Variants in TTC28 observed in about 807,000 individuals in gnomAD.
TTC28 encodes the protein tetratricopeptide repeat protein 28.
A neutral mutation model predicts 198.0 loss-of-function variants in TTC28; 61 were observed. That is an observed-to-expected ratio of 0.31 (90% CI 0.25 to 0.38). The LOEUF (loss-of-function observed/expected upper bound fraction) is 0.38, where lower values mean the gene tolerates loss of function less well. Among genes scored for constraint, TTC28 ranks in the 10% least tolerant of loss-of-function variants. TTC28 has a pLI of 1.00. For missense variants in TTC28, 2,678 were observed against 3,164.0 expected, an observed-to-expected ratio of 0.85 and a Z score of 3.69; for synonymous variants, 1,171 against 1,297.8, an observed-to-expected ratio of 0.90 and a Z score of 2.10.
At chr22:28,349,750 G>A (rs2045964268) in intron 2 of TTC28, among the ~76,000 whole-genome samples, 1 of 152,188 alleles carries the variant, frequency 6.6e-6, no homozygotes, top group Non-Finnish European at 1.5e-5. Flanking sequence ...ATAAATGTAA[G>A]AAAGTATTAT....
At chr22:28,417,326 A>AAAAAAT (rs2047182163) in intron 2 of TTC28, among the ~76,000 whole-genome samples, 6 of 147,078 alleles carry the variant, frequency 4.1e-5, no homozygotes, top group Non-Finnish European at 7.5e-5. Flanking sequence ...AAAAAAAAAA[A>AAAAAAT]AGGACAGGTG....
At chr22:28,017,110 G>A (rs959435961) in intron 13 of TTC28, among the ~76,000 whole-genome samples, 1 of 152,254 alleles carries the variant, frequency 6.6e-6, no homozygotes, top group Non-Finnish European at 1.5e-5. Context: ...GGCAGGGAGT[G>A]TGGGGCCTGG....
At chr22:28,621,742 T>TAAAAAAAAAAAAAAAAA (rs771463983) in intron 2 of TTC28, among the ~76,000 whole-genome samples, 4 of 76,116 alleles carry the variant, frequency 5.3e-5, no homozygotes, top group Non-Finnish European at 5.3e-5. Flanking sequence ...GACTGTCTCT[T>TAAAAAAAAAAAAAAAAA]AAAAAAAAAA....
chr22:28,075,973 G>GC (rs1941154299), intron 12 of TTC28, among the ~76,000 whole-genome samples: 1 of 152,088 alleles, frequency 6.6e-6, no homozygotes, highest in Non-Finnish European at 1.5e-5. Flanking sequence ...ATATCTCCAG[G>GC]CCCAGCATCA....
chr22:28,463,205 C>T (rs2047973003), intron 2 of TTC28, among the ~76,000 whole-genome samples: 1 of 152,196 alleles, frequency 6.6e-6, no homozygotes, highest in Non-Finnish European at 1.5e-5. Flanking sequence ...TAAGAAATTG[C>T]AATGGTAGCG....
intron 5 of TTC28, among the ~76,000 whole-genome samples, chr22:28,209,737 C>A (rs1201401839): frequency 1.3e-5 from 2 of 152,208 alleles, no homozygotes; most frequent in Non-Finnish European, 2.9e-5. Flanking sequence ...CAAAAGGCAG[C>A]AGAAACTTCT....
At chr22:28,020,481 G>T (rs559831725) in intron 13 of TTC28, among the ~76,000 whole-genome samples, 3 of 152,216 alleles carry the variant, frequency 2.0e-5, no homozygotes, top group African/African-American at 4.8e-5. Context: ...GGGGCAGAGG[G>T]GTCAGGGGCG....
At chr22:28,427,379 C>T (rs1366671564) in intron 2 of TTC28, among the ~76,000 whole-genome samples, 1 of 152,190 alleles carries the variant, frequency 6.6e-6, no homozygotes, top group East Asian at 1.9e-4. Flanking sequence ...AAAGGCCGAG[C>T]GCGGTGGCTC....
chr22:28,385,775 T>G (rs1235476871), intron 2 of TTC28, among the ~76,000 whole-genome samples: 1 of 152,134 alleles, frequency 6.6e-6, no homozygotes, highest in Admixed American at 6.6e-5. Flanking sequence ...CATCCTAGCT[T>G]TCCAACTTTA....
intron 8 of TTC28, among the ~76,000 whole-genome samples, chr22:28,101,782 T>TAAAAAA (rs11459818): frequency 1.9e-5 from 1 of 53,174 alleles, no homozygotes; most frequent in African/African-American, 9.7e-5. Context: ...CCATCTCTGT[T>TAAAAAA]AAAAAAAAAA....
intron 2 of TTC28, among the ~76,000 whole-genome samples, chr22:28,438,069 A>G (rs2047550923): frequency 6.6e-6 from 1 of 152,198 alleles, no homozygotes; most frequent in Non-Finnish European, 1.5e-5. Flanking sequence ...TTGAAGAAAG[A>G]CTACTATCAT....
intron 12 of TTC28, among the ~76,000 whole-genome samples, chr22:28,070,984 A>G (rs1940943165): frequency 6.6e-6 from 1 of 152,176 alleles, no homozygotes; most frequent in African/African-American, 2.4e-5. Flanking sequence ...GAGGTGAGGG[A>G]GCAGCAAAAG....
rs998228873 is a variant in TTC28 at position 28,157,120 on chromosome 22, T to C, written c.1441+5972A>G. On this transcript the variant is annotated intron_variant, in intron 6 of 22. Coordinates refer to ENST00000397906, the MANE Select transcript of TTC28 (RefSeq NM_001145418.2). ...GAAATGAAAAATGAGACATTGCAAC[T>C]GATAACTGATACTGCAGAAATCCAA... Among the ~76,000 whole-genome samples, 12 of 152,138 alleles carry C rather than the reference T, an allele frequency of 7.9e-5. No homozygotes were observed. The South Asian group carries it at 8.3e-4, about 10-fold the overall frequency.
At chr22:28,170,859 C>G (rs117513336) in intron 5 of TTC28, among the ~76,000 whole-genome samples, 3 of 152,118 alleles carry the variant, frequency 2.0e-5, no homozygotes, top group Non-Finnish European at 2.9e-5. Flanking sequence ...TCACCACCCC[C>G]TCTCAGGCTC....
intron 13 of TTC28, among the ~76,000 whole-genome samples, chr22:28,027,221 C>T (rs1174982839): frequency 6.6e-6 from 1 of 152,188 alleles, no homozygotes; most frequent in Non-Finnish European, 1.5e-5. Flanking sequence ...CAGTCCTCCG[C>T]GTCACTCCCA....
chr22:28,140,976 G>A (rs955317968), intron 6 of TTC28, among the ~76,000 whole-genome samples: 7 of 152,116 alleles, frequency 4.6e-5, no homozygotes, highest in South Asian at 2.1e-4. Flanking sequence ...AGGAAGAGGA[G>A]GAGGAAGAGT....
chr22:28,594,281 T>G (rs1182622338), intron 2 of TTC28, among the ~76,000 whole-genome samples: 1 of 148,722 alleles, frequency 6.7e-6, no homozygotes, highest in Non-Finnish European at 1.5e-5. Flanking sequence ...AAGAAGTAAT[T>G]AATTATATTA....
chr22:28,512,979 A>ATTT (rs695729), intron 2 of TTC28, among the ~76,000 whole-genome samples: 10,576 of 125,744 alleles, frequency 0.084, 692 homozygotes, highest in African/African-American at 0.15. Context: ...TTTAACCTGG[A>ATTT]TTTTTTTTTT....
intron 2 of TTC28, among the ~76,000 whole-genome samples, chr22:28,612,090 T>C (rs2146153485): frequency 1.3e-5 from 2 of 152,160 alleles, no homozygotes; most frequent in Middle Eastern, 3.4e-3. Context: ...CCATCTCACA[T>C]GCAAAGACGC....
Sources: gnomAD v4.1 joint callset for allele counts (sites outside exome capture counted in the v4.1 genomes callset) on GRCh38, gnomAD v4.1.1 for gene constraint, MANE v1.5 for transcripts, NCBI Gene and HGNC (gene_info 2026-07-23, HGNC 2026-07-21) for gene names.